TNKS: variants seen among roughly 807,000 people sequenced by gnomAD.
The protein encoded by TNKS is poly [ADP-ribose] polymerase tankyrase-1.
Under a neutral mutation model 135.8 loss-of-function variants are expected in TNKS, and 72 were observed. The ratio of observed to expected loss-of-function variants is 0.53; its 90% CI spans 0.44 to 0.64. TNKS has a LOEUF of 0.64. Ranked by LOEUF, TNKS falls within the 30% of genes least tolerant of loss-of-function variation. TNKS has a pLI of 0.00. For missense variants in TNKS, 1,769 were observed against 1,674.0 expected (o/e 1.06, Z -0.99); for synonymous variants, 849 against 649.3 (o/e 1.31, Z -4.68).
At chr8:9,723,543 A>G (rs925368928) in intron 12 of TNKS, among the ~76,000 whole-genome samples, 2 of 152,226 alleles carry the variant, frequency 1.3e-5, no homozygotes, top group Admixed American at 1.3e-4. Context: ...ACTAACATCA[A>G]TGTAAAGAAA....
At chr8:9,689,055 A>G (rs532899178) in intron 5 of TNKS, among the ~76,000 whole-genome samples, 3 of 152,172 alleles carry the variant, frequency 2.0e-5, no homozygotes, top group African/African-American at 4.8e-5. Context: ...TCCAAATGCT[A>G]TCATATTGGG....
intron 1 of TNKS, among the ~76,000 whole-genome samples, chr8:9,567,316 G>T (rs959754478): frequency 1.3e-5 from 2 of 152,176 alleles, no homozygotes; most frequent in African/African-American, 4.8e-5. Context: ...TTGTTCAGTT[G>T]ATTGTTTTTA....
chr8:9,764,374 C>T lies in TNKS; in HGVS notation c.3373-342C>T, dbSNP rs539668041. 4.6e-5 allele frequency among the ~76,000 whole-genome samples: 7 copies of T among 152,112 alleles called. No individual in the cohort carries two copies. In the South Asian group the frequency reaches 1.2e-3, roughly 27 times the overall value. On this transcript the variant is annotated intron_variant, in intron 22 of 26. Coordinates refer to ENST00000310430, the MANE Select transcript of TNKS (RefSeq NM_003747.3). ...TTGTTTATTTTTAGCATTTGTCCAA[C>T]GGGCATTTAAGGAGTTTTTGTTTGA...
chr8:9,762,107 G>A (rs551354496), intron 21 of TNKS, among the ~76,000 whole-genome samples: 1 of 152,138 alleles, frequency 6.6e-6, no homozygotes, highest in Non-Finnish European at 1.5e-5. Flanking sequence ...TTGCTAACAT[G>A]GTTTTTTACA....
At chr8:9,654,863 C>T (rs188608540) in intron 3 of TNKS, among the ~76,000 whole-genome samples, 1 of 152,274 alleles carries the variant, frequency 6.6e-6, no homozygotes, top group African/African-American at 2.4e-5. Context: ...ACTGAGGTAC[C>T]GGATTCATCT....
At chr8:9,608,062 C>A (rs1207944025) in intron 2 of TNKS, among the ~76,000 whole-genome samples, 5 of 152,074 alleles carry the variant, frequency 3.3e-5, no homozygotes, top group African/African-American at 1.2e-4. Context: ...CACCTGAGCC[C>A]CACGAATAGC....
chr8:9,597,222 A>G (rs955874755), intron 2 of TNKS, among the ~76,000 whole-genome samples: 1 of 152,242 alleles, frequency 6.6e-6, no homozygotes, highest in Admixed American at 6.5e-5. Flanking sequence ...GCTCTACTGC[A>G]TAAAATTTTT....
intron 2 of TNKS, among the ~76,000 whole-genome samples, chr8:9,595,126 ATTTTTTTTTTT>A (rs33914315): frequency 6.9e-6 from 1 of 145,238 alleles, no homozygotes; most frequent in Non-Finnish European, 1.5e-5. Context: ...CTGAATTGGT[ATTTTTTTTTTT>A]TTGAGACGGA....
intron 26 of TNKS, among the ~76,000 whole-genome samples, chr8:9,771,083 G>A (rs1290382273): frequency 1.3e-5 from 2 of 151,822 alleles, no homozygotes; most frequent in Non-Finnish European, 2.9e-5. Flanking sequence ...TGGGTAAGTA[G>A]TAATATAAGC....
chr8:9,577,629 C>A (rs1052313834), intron 1 of TNKS, among the ~76,000 whole-genome samples: 4 of 152,182 alleles, frequency 2.6e-5, no homozygotes, highest in Admixed American at 6.5e-5. Context: ...AGAGGGAAAT[C>A]TGCCTCCATG....
intron 13 of TNKS, among the ~76,000 whole-genome samples, chr8:9,729,433 C>T (rs1408597019): frequency 6.6e-6 from 1 of 152,160 alleles, no homozygotes; most frequent in Non-Finnish European, 1.5e-5. Flanking sequence ...CTGCAATCGT[C>T]CTTTATAGCC....
chr8:9,680,597 AT>A (rs1802742095), intron 4 of TNKS, 127 bp from the exon 5 acceptor site: 1 of 620,374 alleles, frequency 1.6e-6, no homozygotes, highest in African/African-American at 1.8e-5. Context: ...TGCAAAAGAG[AT>A]TTATTGTGAT....
At chr8:9,630,593 GA>G (rs1214886448) in intron 3 of TNKS, among the ~76,000 whole-genome samples, 1 of 152,132 alleles carries the variant, frequency 6.6e-6, no homozygotes, top group Admixed American at 6.5e-5. Context: ...TTAATGGGGG[GA>G]AAACACTTCT....
intron 12 of TNKS, among the ~76,000 whole-genome samples, chr8:9,723,270 G>T (rs994406547): frequency 4.7e-4 from 35 of 74,298 alleles, no homozygotes; most frequent in African/African-American, 1.3e-3. Context: ...TGCATTAGCT[G>T]AACTTTTTAG....
chr8:9,754,199 A>T lies in TNKS; in HGVS notation c.3153+1573A>T, dbSNP rs1396821176. Among the ~76,000 whole-genome samples the T allele has an allele frequency of 2.0e-5, 3 of 152,282 alleles. No homozygotes were observed. In the South Asian group the frequency reaches 6.2e-4, roughly 32 times the overall value. On this transcript the variant is annotated intron_variant, in intron 20 of 26. Coordinates refer to ENST00000310430, the MANE Select transcript of TNKS (RefSeq NM_003747.3). ...ACAGGTTCTGGGGATTAGAACATAG[A>T]CGTATCATTTTGAGGGCCACCATTC...
At chr8:9,685,586 A>G (rs1190619966) in intron 5 of TNKS, among the ~76,000 whole-genome samples, 1 of 152,158 alleles carries the variant, frequency 6.6e-6, no homozygotes, top group Non-Finnish European at 1.5e-5. Context: ...GCTCTGTCCC[A>G]GCTGCCTTTG....
At position 9,662,662 on chromosome 8, in the gene TNKS, G is replaced by T. The variant is rs528698079; in HGVS notation, c.995-17289G>T. ...CTAATGCTAAATGATGAGTTAATGG[G>T]TGCAGCATGCCAACATGGCATATGT... is the stretch of plus-strand genomic sequence containing the variant. On this transcript the variant is annotated intron_variant, in intron 3 of 26. Transcript: ENST00000310430. Among the ~76,000 whole-genome samples, 12 of 152,204 alleles carry T rather than the reference G, an allele frequency of 7.9e-5. No homozygotes were observed. The South Asian group carries it at 2.5e-3, about 32-fold the overall frequency.
At chr8:9,710,072 T>A in intron 10 of TNKS, 26 bp downstream of exon 10, 5 of 1,611,730 alleles carry the variant, frequency 3.1e-6, no homozygotes, top group Non-Finnish European at 3.4e-6. Flanking sequence ...GAAGGAGTTG[T>A]TCAGTTCCTA....
intron 8 of TNKS, 74 bp from the exon 9 acceptor site, chr8:9,708,297 T>C: frequency 8.0e-7 from 1 of 1,252,474 alleles, no homozygotes; most frequent in East Asian, 2.6e-5. Context: ...ATATTCCTAC[T>C]TATTTATAAT....
Sources: allele counts gnomAD v4.1 joint callset (sites outside exome capture counted in the v4.1 genomes callset), GRCh38; gene constraint gnomAD v4.1.1; transcripts MANE v1.5; gene names NCBI Gene and HGNC (gene_info 2026-07-23, HGNC 2026-07-21).